The following ADGRL3 variants were observed in gnomAD, a reference collection of about 807,000 sequenced individuals.
The protein encoded by ADGRL3 is calcium-independent alpha-latrotoxin receptor 3.
A neutral mutation model predicts 153.5 loss-of-function variants in ADGRL3; 62 were observed. That is an observed-to-expected ratio of 0.40 (90% CI 0.33 to 0.50). The LOEUF is 0.50. ADGRL3 is among the 20% of genes least tolerant of loss of function. The pLI, the probability that ADGRL3 is intolerant of heterozygous loss-of-function variation, is 0.47. For missense variants in ADGRL3, 1,641 were observed against 1,859.4 expected (o/e 0.88, Z 2.16); for synonymous variants, 710 against 672.5 (o/e 1.06, Z -0.86).
intron 1 of ADGRL3, among the ~76,000 whole-genome samples, chr4:61,205,431 G>T (rs1374794357): frequency 1.3e-5 from 2 of 152,152 alleles, no homozygotes; most frequent in Non-Finnish European, 2.9e-5. Flanking sequence ...TAAAAAGGAT[G>T]ATCTGTCCTT....
chr4:61,963,382 T>C (rs2150523482), intron 17 of ADGRL3, among the ~76,000 whole-genome samples: 1 of 152,148 alleles, frequency 6.6e-6, no homozygotes, highest in South Asian at 2.1e-4. Flanking sequence ...ACAGAGTACC[T>C]GATAGGTAGT....
intron 1 of ADGRL3, among the ~76,000 whole-genome samples, chr4:61,226,764 C>T (rs1157366146): frequency 6.6e-6 from 1 of 151,604 alleles, no homozygotes; most frequent in African/African-American, 2.4e-5. Flanking sequence ...TATAATTTCA[C>T]TCTATTCGGG....
chr4:61,883,469 C>T (rs1026593824), intron 9 of ADGRL3, among the ~76,000 whole-genome samples: 4 of 152,080 alleles, frequency 2.6e-5, no homozygotes, highest in Non-Finnish European at 5.9e-5. Context: ...ATATACTTTG[C>T]TAGGTACTTT....
chr4:61,692,952 C>T (rs1185810166), intron 6 of ADGRL3, among the ~76,000 whole-genome samples: 3 of 152,074 alleles, frequency 2.0e-5, no homozygotes, highest in South Asian at 2.1e-4. Context: ...CAGTCAGTTT[C>T]CTTTTTAGCA....
intron 8 of ADGRL3, among the ~76,000 whole-genome samples, chr4:61,792,142 A>C (rs562538869): frequency 6.6e-6 from 1 of 152,280 alleles, no homozygotes; most frequent in Admixed American, 6.5e-5. Flanking sequence ...CTGCAAACAA[A>C]CTTTTATGCT....
chr4:61,254,856 T>C (rs2091807462), intron 1 of ADGRL3, among the ~76,000 whole-genome samples: 1 of 152,150 alleles, frequency 6.6e-6, no homozygotes, highest in South Asian at 2.1e-4. Context: ...CTCAGAACCT[T>C]TTACATTTTT....
At chr4:61,760,815 T>C (rs2096903653) in intron 8 of ADGRL3, among the ~76,000 whole-genome samples, 1 of 151,960 alleles carries the variant, frequency 6.6e-6, no homozygotes, top group African/African-American at 2.4e-5. Flanking sequence ...CCAAGATCTG[T>C]ATATTGAGAC....
intron 4 of ADGRL3, among the ~76,000 whole-genome samples, chr4:61,520,490 T>C (rs1226523199): frequency 6.6e-6 from 1 of 152,168 alleles, no homozygotes; most frequent in African/African-American, 2.4e-5. Flanking sequence ...ATTTTAAAGT[T>C]CATCTTTTGC....
intron 21 of ADGRL3, among the ~76,000 whole-genome samples, chr4:62,002,223 G>A (rs979336048): frequency 3.4e-5 from 5 of 148,072 alleles, no homozygotes; most frequent in African/African-American, 7.5e-5. Flanking sequence ...ACTGAAGGTC[G>A]GACTTCCTGC....
At chr4:61,921,759 T>G (rs2098770522) in intron 13 of ADGRL3, among the ~76,000 whole-genome samples, 1 of 150,180 alleles carries the variant, frequency 6.7e-6, no homozygotes, top group South Asian at 2.1e-4. Context: ...CATATCTATA[T>G]TTTTATACTG....
At chr4:61,741,456 C>G (rs1340683767) in intron 8 of ADGRL3, among the ~76,000 whole-genome samples, 1 of 152,168 alleles carries the variant, frequency 6.6e-6, no homozygotes, top group Admixed American at 6.5e-5. Flanking sequence ...TGCAGAGGAG[C>G]CCCTTCTTTT....
intron 7 of ADGRL3, among the ~76,000 whole-genome samples, chr4:61,731,624 T>G (rs1003923425): frequency 6.6e-6 from 1 of 152,102 alleles, no homozygotes; most frequent in Non-Finnish European, 1.5e-5. Context: ...TGAAATTTGC[T>G]CACCCTTCCC....
At chr4:62,051,498 T>A (rs1473261128) in intron 25 of ADGRL3, among the ~76,000 whole-genome samples, 2 of 149,386 alleles carry the variant, frequency 1.3e-5, no homozygotes, top group Non-Finnish European at 3.0e-5. Flanking sequence ...GTTGGCAGGA[T>A]CTGAAAAAGA....
At chr4:61,451,805 G>A (rs893848818) in intron 2 of ADGRL3, among the ~76,000 whole-genome samples, 1 of 152,028 alleles carries the variant, frequency 6.6e-6, no homozygotes. Flanking sequence ...CTGCTTCAGC[G>A]GTATGGCAGT....
chr4:61,479,355 G>A (rs2098106733), intron 2 of ADGRL3, among the ~76,000 whole-genome samples: 2 of 151,806 alleles, frequency 1.3e-5, no homozygotes, highest in South Asian at 2.1e-4. Context: ...CCCATGCAAG[G>A]GCCATTCTCA....
intron 4 of ADGRL3, among the ~76,000 whole-genome samples, chr4:61,576,856 CTCA>C (rs1460263993): frequency 6.6e-6 from 1 of 151,568 alleles, no homozygotes; most frequent in Non-Finnish European, 1.5e-5. Context: ...TTGGTCTAAT[CTCA>C]GGTGGATTAC....
intron 4 of ADGRL3, among the ~76,000 whole-genome samples, chr4:61,538,602 G>A (rs983795301): frequency 6.6e-6 from 1 of 152,044 alleles, no homozygotes; most frequent in Non-Finnish European, 1.5e-5. Context: ...ACCACGCCCG[G>A]CTAATTTTTT....
At chr4:62,031,387 T>C (rs899754579) in intron 22 of ADGRL3, 55 bp from the exon 23 acceptor site, 44 of 1,414,516 alleles carry the variant, frequency 3.1e-5, no homozygotes, top group Non-Finnish European at 4.1e-5. Context: ...TCTGATATGG[T>C]TGTTAATTAA....
intron 6 of ADGRL3, among the ~76,000 whole-genome samples, chr4:61,698,263 A>G (rs1212775840): frequency 1.3e-5 from 2 of 152,148 alleles, no homozygotes; most frequent in African/African-American, 4.8e-5. Flanking sequence ...CATCCTGGCT[A>G]ACACGGTGAA....
Sources: allele counts gnomAD v4.1 joint callset (sites outside exome capture counted in the v4.1 genomes callset), GRCh38; gene constraint gnomAD v4.1.1; transcripts MANE v1.5; gene names NCBI Gene and HGNC (gene_info 2026-07-23, HGNC 2026-07-21).